Variants in TAOK3 observed in about 807,000 individuals in gnomAD.
TAOK3 encodes the protein serine/threonine-protein kinase TAO3.
In TAOK3, 40 loss-of-function variants were observed where a neutral mutation model predicts 120.4. The ratio of observed to expected loss-of-function variants is 0.33; its 90% CI spans 0.26 to 0.43. The LOEUF is 0.43. Among genes scored for constraint, TAOK3 ranks in the 20% least tolerant of loss-of-function variants. TAOK3 has a pLI of 1.00. For synonymous variants in TAOK3, 355 were observed against 387.5 expected (o/e 0.92, Z 0.99); for missense variants, 821 against 1,112.1 (o/e 0.74, Z 3.72).
rs1019000788 is a variant in TAOK3 at position 118,212,830 on chromosome 12, T to C, written c.819+84A>G. On this transcript the variant is annotated intron_variant, in intron 11 of 20. Transcript: ENST00000392533. ...CACGTCCTAAACCACTTTGTCATGATGAGCTGCCACAGGAATGATTTATTA... is the reference window on the plus strand; with the variant it reads ...CACGTCCTAAACCACTTTGTCATGACGAGCTGCCACAGGAATGATTTATTA... 1.8e-5 allele frequency: 17 copies of C among 926,434 alleles called. No individual in the cohort carries two copies. The African/African-American group carries it at 2.5e-4, about 14-fold the overall frequency. 57.4% of individuals were successfully genotyped at this position (926,434 alleles called of 1,614,324 possible).
In TAOK3 at chr12:118,246,108, G is replaced by C. The variant is rs181887422; in HGVS notation, c.121-1143C>G. 9,919 of 1,327,870 alleles carry C rather than the reference G, an allele frequency of 7.5e-3. 56 individuals are homozygous for C. The highest frequency in any genetic ancestry group is 7.6e-3 in the Non-Finnish European group (7,490 of 981,722). The allele number at this position is 1,327,870 out of a possible 1,614,324, so 82.3% of individuals were successfully genotyped here. A position where few individuals can be genotyped will look rare whatever the true frequency, so the allele number is the denominator to read the frequency against. On this transcript the variant is annotated intron_variant, in intron 3 of 20. Coordinates refer to ENST00000392533, the MANE Select transcript of TAOK3 (RefSeq NM_016281.4). ...AATGGCGGATGACGCCGGTGCAGCGGGGGGGCACGGAGGCCCTGGTGGCCC... is the reference window on the plus strand; with the variant it reads ...AATGGCGGATGACGCCGGTGCAGCGCGGGGGCACGGAGGCCCTGGTGGCCC...
At chr12:118,160,000 A>T (rs1592976024) in intron 19 of TAOK3, 146 bp downstream of exon 19, 1 of 701,006 alleles carries the variant, frequency 1.4e-6, no homozygotes, top group East Asian at 2.6e-5. Context: ...GCTTTATTCA[A>T]CGTCGTCCTT....
intron 16 of TAOK3, among the ~76,000 whole-genome samples, chr12:118,176,923 C>T (rs1449931476): frequency 2.6e-5 from 4 of 151,984 alleles, no homozygotes; most frequent in African/African-American, 9.7e-5. Flanking sequence ...CGTGCCACCA[C>T]GCCCAGCTAA....
intron 9 of TAOK3, among the ~76,000 whole-genome samples, chr12:118,226,758 T>C (rs2039527405): frequency 6.6e-6 from 1 of 152,168 alleles, no homozygotes; most frequent in Non-Finnish European, 1.5e-5. Context: ...TTTTATAAAA[T>C]GCAATCAAAG....
At chr12:118,293,779 C>T (rs1031513374) in intron 1 of TAOK3, among the ~76,000 whole-genome samples, 1 of 151,576 alleles carries the variant, frequency 6.6e-6, no homozygotes, top group Admixed American at 6.6e-5. Flanking sequence ...TTTGGGAGGC[C>T]GAGGCAGGCA....
intron 17 of TAOK3, among the ~76,000 whole-genome samples, chr12:118,162,447 A>C (rs2035281039): frequency 6.6e-6 from 1 of 152,110 alleles, no homozygotes; most frequent in African/African-American, 2.4e-5. Context: ...AGATGCTTGA[A>C]TCTCACAGGG....
At position 118,371,245 on chromosome 12, in the gene TAOK3, T is replaced by TC. The variant is rs1287804783; in HGVS notation, c.-194+1402dup. ...GTCTCCAAAAGGATCCCTGTCCCTT[T>TC]CAACTTCTTGTGGAGGGGGAAGTGG... is the stretch of plus-strand genomic sequence containing the variant. On this transcript the variant is annotated intron_variant, in intron 1 of 20. Transcript: ENST00000392533. This position sits in a 1 kb window ranked among gnomAD's most constrained non-coding sequence, Gnocchi z 5.5. Among the ~76,000 whole-genome samples the TC allele has an allele frequency of 6.6e-6, 1 of 152,150 alleles. No homozygotes were observed. Among genetic ancestry groups the TC allele is most frequent in the African/African-American group, 2.4e-5 (1 of 41,438 alleles).
intron 17 of TAOK3, among the ~76,000 whole-genome samples, chr12:118,163,242 A>T (rs1454822311): frequency 7.2e-5 from 11 of 152,208 alleles, no homozygotes; most frequent in Admixed American, 6.5e-5. Flanking sequence ...GAAAAGAAAG[A>T]AGTGCAGGGA....
chr12:118,262,181 G>T (rs531355944), intron 2 of TAOK3, among the ~76,000 whole-genome samples: 1 of 150,420 alleles, frequency 6.6e-6, no homozygotes, highest in African/African-American at 2.4e-5. Flanking sequence ...ATGTCTCTAT[G>T]TATAAATAAA....
At chr12:118,271,703 G>A (rs1447925198) in intron 1 of TAOK3, among the ~76,000 whole-genome samples, 8 of 152,088 alleles carry the variant, frequency 5.3e-5, no homozygotes, top group Admixed American at 3.3e-4. Flanking sequence ...TGGAAATGCT[G>A]GGCCCTACGG....
At chr12:118,320,524 T>C (rs1015133318) in intron 1 of TAOK3, among the ~76,000 whole-genome samples, 13 of 152,160 alleles carry the variant, frequency 8.5e-5, no homozygotes, top group African/African-American at 3.1e-4. Flanking sequence ...CAAATAAGTG[T>C]ATCAGTTTAT....
At chr12:118,370,168 T>C (rs2045858001) in intron 1 of TAOK3, among the ~76,000 whole-genome samples, 1 of 151,822 alleles carries the variant, frequency 6.6e-6, no homozygotes, top group East Asian at 1.9e-4. Context: ...CCACCGCGCC[T>C]GGCCATGTTA....
At chr12:118,223,093 G>A (rs1159519704) in intron 9 of TAOK3, among the ~76,000 whole-genome samples, 2 of 123,510 alleles carry the variant, frequency 1.6e-5, no homozygotes, top group Non-Finnish European at 3.2e-5. Context: ...TTTTTGAGAC[G>A]CAGTCTCGCA....
In TAOK3 at chr12:118,150,603, A is replaced by T. The variant is rs900572176; in HGVS notation, c.*394T>A. 104 of 155,970 alleles carry T rather than the reference A, an allele frequency of 6.7e-4. No individual in the cohort carries two copies. Among genetic ancestry groups the T allele is most frequent in the Non-Finnish European group, 3.4e-4 (24 of 70,504 alleles). 9.7% of individuals were successfully genotyped at this position (155,970 alleles called of 1,614,324 possible). A position where few individuals can be genotyped will look rare whatever the true frequency, so the allele number is the denominator to read the frequency against. ...CTCCCCCTTGGCATTTATTATTATTATTTTTTGCTTTACTTTCACAGATTG... is the reference window on the plus strand; with the variant it reads ...CTCCCCCTTGGCATTTATTATTATTTTTTTTTGCTTTACTTTCACAGATTG... On this transcript the variant is annotated 3_prime_UTR_variant, in exon 21 of 21. Coordinates refer to ENST00000392533, the MANE Select transcript of TAOK3 (RefSeq NM_016281.4).
intron 1 of TAOK3, among the ~76,000 whole-genome samples, chr12:118,304,088 T>C (rs1255074068): frequency 1.3e-5 from 2 of 152,240 alleles, no homozygotes; most frequent in African/African-American, 2.4e-5. Flanking sequence ...TCATTATCTA[T>C]ACTACTTGGT....
At chr12:118,176,924 G>A (rs986881429) in intron 16 of TAOK3, among the ~76,000 whole-genome samples, 7 of 151,942 alleles carry the variant, frequency 4.6e-5, no homozygotes, top group Non-Finnish European at 8.8e-5. Context: ...GTGCCACCAC[G>A]CCCAGCTAAT....
At chr12:118,188,923 A>T (rs138521348) in intron 14 of TAOK3, among the ~76,000 whole-genome samples, 2 of 150,884 alleles carry the variant, frequency 1.3e-5, no homozygotes, top group African/African-American at 2.4e-5. Flanking sequence ...AAACGATGTG[A>T]GTGTGTGTGT....
intron 1 of TAOK3, among the ~76,000 whole-genome samples, chr12:118,347,140 A>T (rs1349687007): frequency 6.6e-6 from 1 of 152,130 alleles, no homozygotes; most frequent in Admixed American, 6.5e-5. Context: ...AGTAGCTGGG[A>T]CCGCAGACAC....
At chr12:118,353,705 A>G (rs1197868387) in intron 1 of TAOK3, among the ~76,000 whole-genome samples, 1 of 152,216 alleles carries the variant, frequency 6.6e-6, no homozygotes, top group African/African-American at 2.4e-5. Context: ...AGTGCATTTT[A>G]CCAGCGATGT....
Sources: gnomAD v4.1 joint callset for allele counts (sites outside exome capture counted in the v4.1 genomes callset) on GRCh38, gnomAD v4.1.1 for gene constraint, Gnocchi (gnomAD v3.1) non-coding constraint, MANE v1.5 for transcripts, NCBI Gene and HGNC (gene_info 2026-07-23, HGNC 2026-07-21) for gene names.